The following FUT8 variants were observed in gnomAD, a reference collection of about 807,000 sequenced individuals.
The protein encoded by FUT8 is fucosyltransferase 8.
In FUT8, 29 loss-of-function variants were observed where a neutral mutation model predicts 71.3. The ratio of observed to expected loss-of-function variants is 0.41; its 90% CI spans 0.30 to 0.55. The LOEUF (loss-of-function observed/expected upper bound fraction) is 0.55. Among genes scored for constraint, FUT8 ranks in the 20% least tolerant of loss-of-function variants. The pLI is 0.34. For missense variants in FUT8, 544 were observed against 702.1 expected, an observed-to-expected ratio of 0.77 and a Z score of 2.55; for synonymous variants, 254 against 239.3, an observed-to-expected ratio of 1.06 and a Z score of -0.57.
chr14:65,616,507 C>T, intron 5 of FUT8, 134 bp downstream of exon 5: 1 of 691,232 alleles, frequency 1.4e-6, no homozygotes, highest in Non-Finnish European at 2.2e-6. Context: ...GCGAAGAGTA[C>T]CTGAGGTCCC....
chr14:65,536,151 C>T (rs1257593867), intron 2 of FUT8, among the ~76,000 whole-genome samples: 9 of 152,056 alleles, frequency 5.9e-5, no homozygotes, highest in Non-Finnish European at 1.2e-4. Flanking sequence ...TGTCATTGCA[C>T]GTGAGATGTG....
chr14:65,516,112 T>C (rs1882688758), intron 2 of FUT8: 1 of 151,964 alleles, frequency 6.6e-6, no homozygotes, highest in South Asian at 2.1e-4. Flanking sequence ...TGTTGTGTGC[T>C]ATTGTTGTGC....
chr14:65,570,476 C>T (rs1311431032), intron 3 of FUT8, among the ~76,000 whole-genome samples: 1 of 151,726 alleles, frequency 6.6e-6, no homozygotes, highest in African/African-American at 2.4e-5. Context: ...ATAGGGTTTG[C>T]CATGTTATAC....
chr14:65,372,352 T>TG, the FUT8 span, among the ~76,000 whole-genome samples: 37 of 152,168 alleles, frequency 2.4e-4, no homozygotes, highest in Middle Eastern at 0.01. Flanking sequence ...CTGAGATAAT[T>TG]GAAAAAATGA....
rs906333587 is a variant in FUT8, at chr14:65,743,381, A to G, written c.*971A>G. Reference sequence around the variant, plus strand: ...CTAAGAACACTGTTTGGGAGCTTTCATTCTCATATTTTGGACATTGTTTTA... The same window carrying G: ...CTAAGAACACTGTTTGGGAGCTTTCGTTCTCATATTTTGGACATTGTTTTA... On this transcript the variant is annotated 3_prime_UTR_variant, in exon 11 of 11. Coordinates refer to ENST00000673929, the MANE Select transcript of FUT8 (RefSeq NM_001371533.1). 2.0e-5 allele frequency: 3 copies of G among 151,892 alleles called. No individual in the cohort carries two copies. The highest frequency in any genetic ancestry group is 1.3e-4 in the Admixed American group (2 of 15,224). 9.4% of individuals were successfully genotyped at this position (151,892 alleles called of 1,614,324 possible).
intron 2 of FUT8, among the ~76,000 whole-genome samples, chr14:65,491,502 A>G (rs897241712): frequency 2.6e-5 from 4 of 152,154 alleles, no homozygotes; most frequent in Non-Finnish European, 5.9e-5. Context: ...ACAATAGGTT[A>G]TTTTCAGACT....
At chr14:65,608,103 A>G in intron 3 of FUT8, among the ~76,000 whole-genome samples, 1 of 151,626 alleles carries the variant, frequency 6.6e-6, no homozygotes, top group East Asian at 1.9e-4. Flanking sequence ...TAAAGTTTCA[A>G]AAAATTCAAT....
chr14:65,540,163 T>C (rs1884590476), intron 2 of FUT8, among the ~76,000 whole-genome samples: 1 of 152,166 alleles, frequency 6.6e-6, no homozygotes, highest in Non-Finnish European at 1.5e-5. Context: ...TTTCTCAACA[T>C]CAGTAGTGAT....
At chr14:65,502,444 C>T (rs759161359) in intron 2 of FUT8, among the ~76,000 whole-genome samples, 98 of 152,142 alleles carry the variant, frequency 6.4e-4, no homozygotes, top group Non-Finnish European at 1.1e-3. Flanking sequence ...AGGCTGGTCT[C>T]GAACTCCAGA....
intron 6 of FUT8, among the ~76,000 whole-genome samples, chr14:65,641,555 A>C (rs1890832198): frequency 1.3e-5 from 2 of 152,174 alleles, no homozygotes; most frequent in African/African-American, 4.8e-5. Flanking sequence ...GTCGTATAAC[A>C]GTGTAGGTTT....
intron 7 of FUT8, among the ~76,000 whole-genome samples, chr14:65,704,421 C>A (rs544479683): frequency 1.3e-5 from 2 of 151,772 alleles, no homozygotes; most frequent in Non-Finnish European, 2.9e-5. Flanking sequence ...TTAAGCCTTG[C>A]CTTCCTACTG....
chr14:65,526,337 G>T (rs1408470059), intron 2 of FUT8, among the ~76,000 whole-genome samples: 1 of 152,122 alleles, frequency 6.6e-6, no homozygotes, highest in Non-Finnish European at 1.5e-5. Flanking sequence ...TGTGTCTTTT[G>T]ATCTTTGTTG....
chr14:65,358,440 C>A, the FUT8 span, among the ~76,000 whole-genome samples: 2 of 151,990 alleles, frequency 1.3e-5, no homozygotes, highest in Non-Finnish European at 2.9e-5. Flanking sequence ...CAAGTAACAC[C>A]TTTAAATACA....
chr14:65,659,473 G>T (rs1891855492), intron 6 of FUT8, among the ~76,000 whole-genome samples: 3 of 152,136 alleles, frequency 2.0e-5, no homozygotes. Flanking sequence ...TTAAAACTCT[G>T]ACTTTTATTT....
intron 2 of FUT8, among the ~76,000 whole-genome samples, chr14:65,456,374 T>C (rs1490953255): frequency 3.3e-5 from 5 of 152,212 alleles, no homozygotes; most frequent in Non-Finnish European, 5.9e-5. Flanking sequence ...TAGAATAATA[T>C]ATTTGAGGTT....
At chr14:65,583,222 G>GTGTAACACAC (rs1887184679) in intron 3 of FUT8, among the ~76,000 whole-genome samples, 1 of 151,758 alleles carries the variant, frequency 6.6e-6, no homozygotes, top group Non-Finnish European at 1.5e-5. Flanking sequence ...TGTTACCCAG[G>GTGTAACACAC]CTGAGTGCAG....
chr14:65,424,539 C>CTTTTTTTTTTTTTTTTTTTTTTTT (rs796843891), intron 1 of FUT8, among the ~76,000 whole-genome samples: 1 of 125,446 alleles, frequency 8.0e-6, no homozygotes, highest in African/African-American at 3.0e-5. Context: ...CTTTTCTTTT[C>CTTTTTTTTTTTTTTTTTTTTTTTT]TTTTTTTTTT....
intron 2 of FUT8, among the ~76,000 whole-genome samples, chr14:65,468,637 A>G (rs1030489378): frequency 1.3e-5 from 2 of 151,988 alleles, no homozygotes; most frequent in African/African-American, 2.4e-5. Context: ...CAGCTTCACT[A>G]TCATTTGCCT....
chr14:65,381,210 C>T, the FUT8 span, among the ~76,000 whole-genome samples: 2 of 152,218 alleles, frequency 1.3e-5, no homozygotes, highest in Admixed American at 6.5e-5. Flanking sequence ...ATGGAGTGTT[C>T]TCAATAATAG....
Sources: allele counts gnomAD v4.1 joint callset (sites outside exome capture counted in the v4.1 genomes callset), GRCh38; gene constraint gnomAD v4.1.1; transcripts MANE v1.5; gene names NCBI Gene and HGNC (gene_info 2026-07-23, HGNC 2026-07-21).